CRYBG3: variants seen among roughly 807,000 people sequenced by gnomAD.
CRYBG3 encodes the protein crystallin beta-gamma domain containing 3.
Under a neutral mutation model 244.2 loss-of-function variants are expected in CRYBG3, and 127 were observed. The observed-to-expected ratio is 0.52, with a 90% confidence interval of 0.45 to 0.60. The LOEUF is 0.60. CRYBG3 is among the 20% of genes least tolerant of loss of function. The pLI, the probability that CRYBG3 is intolerant of heterozygous loss-of-function variation, is 0.00. For missense variants in CRYBG3, 3,325 were observed against 3,442.5 expected, an observed-to-expected ratio of 0.97 and a Z score of 0.85; for synonymous variants, 1,132 against 1,195.8, an observed-to-expected ratio of 0.95 and a Z score of 1.10.
At chr3:97,938,632 G>A (rs2172258) in intron 19 of CRYBG3, among the ~76,000 whole-genome samples, 43,771 of 151,700 alleles carry the variant, frequency 0.29, 7,280 homozygotes, top group East Asian at 0.53. Flanking sequence ...AGTGCAGCTT[G>A]GTGAGTCACT....
At chr3:97,922,751 T>C (rs2039996341) in intron 17 of CRYBG3, among the ~76,000 whole-genome samples, 2 of 152,288 alleles carry the variant, frequency 1.3e-5, no homozygotes, top group South Asian at 2.1e-4. Flanking sequence ...GACTGTAAAC[T>C]AGTTCAGCCA....
In CRYBG3 at chr3:97,877,331, C is replaced by T. The variant is rs753470001; in HGVS notation, c.6137C>T (p.Thr2046Ile). The stretch of plus-strand genomic sequence containing the variant: ...GCATGTGAAAGGTCTGAGAGTAGAA[C>T]TGACCTTGTCCATCACTTTGAAAAA... ...VLACERSESR[T>I]DLVHHFEKGT... Residue 2046 changes from threonine (T) to isoleucine (I), a missense_variant, in exon 4 of 22, where the codon ACT becomes ATT. By Grantham distance (89) the Thr-to-Ile change is moderately conservative (BLOSUM62 -1). Coordinates refer to ENST00000389622, the MANE Select transcript of CRYBG3 (RefSeq NM_153605.4). 1.2e-6 allele frequency: 2 copies of T among 1,614,100 alleles called. No homozygotes were observed. The highest frequency in any genetic ancestry group is 1.7e-5 in the Admixed American group (1 of 60,014).
chr3:97,918,900 A>C (rs2039955168), intron 17 of CRYBG3, among the ~76,000 whole-genome samples: 1 of 152,194 alleles, frequency 6.6e-6, no homozygotes, highest in African/African-American at 2.4e-5. Flanking sequence ...GCCTATGCAC[A>C]CATCATTGTG....
At position 97,899,240 on chromosome 3, in the gene CRYBG3, A is replaced by G; in HGVS notation, c.7948A>G (p.Met2650Val). The change falls in exon 14 of 22, where the codon ATG becomes GTG. Residue 2650 changes from methionine to valine, a missense_variant. Met to Val is a conservative substitution (Grantham distance 21). Transcript: ENST00000389622. ...FDWGGSNNIIMSIRPIQLEPL... is the reference protein window; with the variant it reads ...FDWGGSNNIIVSIRPIQLEPL... ...CTGGGGAGGATCAAATAATATAATCATGTCGATACGGCCAATCCAACTGGT... is the reference window on the plus strand; with the variant it reads ...CTGGGGAGGATCAAATAATATAATCGTGTCGATACGGCCAATCCAACTGGT... The G allele has an allele frequency of 3.7e-6, 6 of 1,613,500 alleles. No homozygotes were observed. The highest frequency in any genetic ancestry group is 1.7e-4 in the Middle Eastern group (1 of 6,054).
chr3:97,910,341 C>T (rs913992345), intron 15 of CRYBG3, among the ~76,000 whole-genome samples: 4 of 152,236 alleles, frequency 2.6e-5, no homozygotes, highest in African/African-American at 7.2e-5. Flanking sequence ...GCACCCCTCC[C>T]CCAGCCTGGC....
chr3:97,840,710 C>G (rs1272719538), intron 1 of CRYBG3: 1 of 151,842 alleles, frequency 6.6e-6, no homozygotes, highest in Admixed American at 6.6e-5. Flanking sequence ...GTAAACACAC[C>G]AAATAAAGCA....
chr3:97,921,880 T>G (rs576983182), intron 17 of CRYBG3, among the ~76,000 whole-genome samples: 1 of 152,270 alleles, frequency 6.6e-6, no homozygotes, highest in South Asian at 2.1e-4. Flanking sequence ...GCTTCTCTAA[T>G]TTCCCCACTG....
chr3:97,934,407 T>A (rs2040136369), intron 18 of CRYBG3, among the ~76,000 whole-genome samples: 1 of 152,214 alleles, frequency 6.6e-6, no homozygotes, highest in South Asian at 2.1e-4. Context: ...AAGCTCTGTT[T>A]GCTTCCTGGA....
At chr3:97,839,101 A>G (rs772146820) in intron 1 of CRYBG3, among the ~76,000 whole-genome samples, 68 of 152,092 alleles carry the variant, frequency 4.5e-4, no homozygotes, top group Non-Finnish European at 7.6e-4. Context: ...TCTGCTCTTC[A>G]CCCCCTGCCA....
At chr3:97,838,928 C>G (rs2038773843) in intron 1 of CRYBG3, among the ~76,000 whole-genome samples, 1 of 152,046 alleles carries the variant, frequency 6.6e-6, no homozygotes, top group South Asian at 2.1e-4. Context: ...CGTTTTCAGC[C>G]ATGGTCCAAA....
intron 2 of CRYBG3, among the ~76,000 whole-genome samples, chr3:97,852,709 G>A (rs1458672217): frequency 1.3e-5 from 2 of 152,134 alleles, no homozygotes; most frequent in African/African-American, 4.8e-5. Context: ...TGGGATTGCT[G>A]GATCCCATAG....
rs1051818921 is a variant in CRYBG3, at chr3:97,864,484, C to T, written c.484C>T (p.His162Tyr). The stretch of plus-strand genomic sequence containing the variant: ...GAAGGATTTACAAAATCCCAGTGAC[C>T]ATCATGAAGACGGGATCAAAAGGGA... ...TEKDLQNPSD[H>Y]HEDGIKRERE... Residue 162 changes from histidine to tyrosine, a missense_variant, in exon 3 of 22, where the codon CAT becomes TAT. His to Tyr is a moderately conservative substitution (Grantham distance 83, BLOSUM62 2). Transcript: ENST00000389622. 1.3e-6 allele frequency: 2 copies of T among 1,535,744 alleles called. No homozygotes were observed. Among genetic ancestry groups the T allele is most frequent in the African/African-American group, 1.4e-5 (1 of 72,986 alleles).
In CRYBG3 at chr3:97,822,223, G is replaced by A. The variant is rs1421793529; in HGVS notation, c.17G>A (p.Arg6Lys). Residue 6 changes from arginine to lysine, a missense_variant, in exon 1 of 22, where the codon AGA (arginine) becomes AAA (lysine). By Grantham distance (26) the Arg-to-Lys change is conservative. This residue lies in a region of CRYBG3 where 1,526 missense variants were observed against 1,443.2 expected (regional missense o/e 1.06). Transcript: ENST00000389622. ...CCTCGGGAAATGTCCAGCGGCCGCA[G>A]AAGGGGCAGCGCCCCCTGGCACAGC... is the stretch of plus-strand genomic sequence containing the variant. MSSGR[R>K]RGSAPWHSFS... 4.6e-6 allele frequency: 7 copies of A among 1,525,178 alleles called. No homozygotes were observed. Among genetic ancestry groups the A allele is most frequent in the South Asian group, 1.2e-5 (1 of 82,822 alleles). The allele number at this position is 1,525,178 out of a possible 1,614,324, so 94.5% of individuals were successfully genotyped here.
intron 3 of CRYBG3, among the ~76,000 whole-genome samples, chr3:97,871,588 A>G (rs2039302472): frequency 6.6e-6 from 1 of 152,194 alleles, no homozygotes; most frequent in African/African-American, 2.4e-5. Flanking sequence ...AGAGGTATGT[A>G]TGTAATCAGG....
intron 16 of CRYBG3, among the ~76,000 whole-genome samples, chr3:97,913,732 TC>T (rs1483324152): frequency 6.6e-6 from 1 of 152,178 alleles, no homozygotes; most frequent in South Asian, 2.1e-4. Context: ...CCAGCAGGTG[TC>T]ATTTGTTTGG....
rs138895361 is a variant in CRYBG3, at chr3:97,870,234, C to T, written c.648-1608C>T. ...TGAGGGTTTGGTGTACAGATTATTT[C>T]GTCACCCAGGTAATGGACATAGTAC... On this transcript the variant is annotated intron_variant, in intron 3 of 21. Coordinates refer to ENST00000389622, the MANE Select transcript of CRYBG3 (RefSeq NM_153605.4). Among the ~76,000 whole-genome samples the T allele has an allele frequency of 1.2e-4, 19 of 152,182 alleles. No homozygotes were observed. The East Asian group carries it at 2.9e-3, about 23-fold the overall frequency.
At chr3:97,834,125 A>T (rs575413842) in intron 1 of CRYBG3, among the ~76,000 whole-genome samples, 1 of 152,266 alleles carries the variant, frequency 6.6e-6, no homozygotes, top group Non-Finnish European at 1.5e-5. Flanking sequence ...GTTGAATTTC[A>T]ACATGAACTT....
In CRYBG3 at chr3:97,880,025, A is replaced by G. The variant is rs375044111; in HGVS notation, c.6929A>G (p.Glu2310Gly). 2.0e-5 allele frequency: 32 copies of G among 1,598,662 alleles called. No individual in the cohort carries two copies. Among genetic ancestry groups the G allele is most frequent in the Non-Finnish European group, 2.2e-5 (26 of 1,168,884 alleles). The stretch of plus-strand genomic sequence containing the variant: ...CTCCATGAAAGTACATATAAACAAG[A>G]AGTCTACTGTAATATTCCTGATGCT... ...YDLHESTYKQ[E>G]VYCNIPDATS... Residue 2310 changes from glutamate to glycine, a missense_variant, in exon 6 of 22, where the codon GAA (glutamate) becomes GGA (glycine). Coordinates refer to ENST00000389622, the MANE Select transcript of CRYBG3 (RefSeq NM_153605.4).
chr3:97,894,802 A>T (rs1172476571), intron 11 of CRYBG3, among the ~76,000 whole-genome samples: 2 of 152,192 alleles, frequency 1.3e-5, no homozygotes, highest in African/African-American at 4.8e-5. Context: ...TTATTTTCAT[A>T]TAATTGTTTA....
Sources: allele counts gnomAD v4.1 joint callset (sites outside exome capture counted in the v4.1 genomes callset), GRCh38; gene constraint gnomAD v4.1.1; regional missense constraint gnomAD v4.1.1; transcripts MANE v1.5; gene names NCBI Gene and HGNC (gene_info 2026-07-23, HGNC 2026-07-21).